The following ABTB3 variants were observed in gnomAD, a reference collection of about 807,000 sequenced individuals.
ABTB3 encodes ankyrin repeat- and BTB/POZ domain-containing protein 3.
At chr12:107,389,428 G>C in the ABTB3 span, among the ~76,000 whole-genome samples, 1 of 152,084 alleles carries the variant, frequency 6.6e-6, no homozygotes, top group Non-Finnish European at 1.5e-5. Flanking sequence ...ATAAATGATA[G>C]AGCTTATAAA....
the ABTB3 span, among the ~76,000 whole-genome samples, chr12:107,356,436 G>A: frequency 3.9e-5 from 6 of 152,186 alleles, no homozygotes; most frequent in African/African-American, 1.2e-4. Context: ...GCCCAGCACC[G>A]CAGGAGCAGA....
the ABTB3 span, among the ~76,000 whole-genome samples, chr12:107,469,226 T>C: frequency 0.31 from 46,777 of 151,982 alleles, 7,677 homozygotes; most frequent in African/African-American, 0.43. Context: ...AGAAGCAGAA[T>C]GTGTGTTTCC....
At chr12:107,320,382 A>T in the ABTB3 span, among the ~76,000 whole-genome samples, 1 of 152,216 alleles carries the variant, frequency 6.6e-6, no homozygotes, top group Non-Finnish European at 1.5e-5. Context: ...TTTTTGGAGC[A>T]GGGTTGAGAT....
chr12:107,336,723 A>T, the ABTB3 span, among the ~76,000 whole-genome samples: 1 of 152,074 alleles, frequency 6.6e-6, no homozygotes, highest in African/African-American at 2.4e-5. Flanking sequence ...GGCACATAGT[A>T]GGCACTTCAA....
the ABTB3 span, among the ~76,000 whole-genome samples, chr12:107,447,014 G>A: frequency 1.3e-5 from 2 of 152,182 alleles, no homozygotes; most frequent in Non-Finnish European, 2.9e-5. Flanking sequence ...GGATCTCATA[G>A]CCCCTCTCAA....
chr12:107,374,814 G>A, the ABTB3 span: 142 of 156,256 alleles, frequency 9.1e-4, 1 homozygote, highest in South Asian at 6.3e-3. Context: ...AATGCCAACG[G>A]CTCTGATGGA....
At chr12:107,522,014 T>C in the ABTB3 span, among the ~76,000 whole-genome samples, 1 of 151,700 alleles carries the variant, frequency 6.6e-6, no homozygotes, top group Non-Finnish European at 1.5e-5. Flanking sequence ...GGCTGGGAAG[T>C]CCAAGATCAA....
chr12:107,432,294 G>T, the ABTB3 span, among the ~76,000 whole-genome samples: 1 of 152,322 alleles, frequency 6.6e-6, no homozygotes, highest in African/African-American at 2.4e-5. Flanking sequence ...TGGGAGAGAA[G>T]GAAAGAGGGA....
chr12:107,338,937 T>A, the ABTB3 span, among the ~76,000 whole-genome samples: 1 of 152,192 alleles, frequency 6.6e-6, no homozygotes, highest in Admixed American at 6.5e-5. Flanking sequence ...AGCCATCCTC[T>A]TGCCTCAGCC....
the ABTB3 span, among the ~76,000 whole-genome samples, chr12:107,536,510 C>T: frequency 1.1e-3 from 162 of 151,764 alleles, no homozygotes; most frequent in African/African-American, 3.6e-3. Context: ...GACTAATGTC[C>T]GTAATAGACA....
chr12:107,475,882 G>A, the ABTB3 span, among the ~76,000 whole-genome samples: 1 of 151,984 alleles, frequency 6.6e-6, no homozygotes, highest in Non-Finnish European at 1.5e-5. Flanking sequence ...ACAGCTGAAG[G>A]TTGAACAGCG....
chr12:107,587,940 A>G, the ABTB3 span, among the ~76,000 whole-genome samples: 1 of 152,292 alleles, frequency 6.6e-6, no homozygotes, highest in East Asian at 1.9e-4. Flanking sequence ...TCACCTTTCT[A>G]GAGGCTAAAA....
chr12:107,378,448 G>A, the ABTB3 span, among the ~76,000 whole-genome samples: 1 of 152,150 alleles, frequency 6.6e-6, no homozygotes, highest in East Asian at 1.9e-4. Flanking sequence ...AACTCTATAA[G>A]GCAGATACTG....
At chr12:107,577,006 C>T in the ABTB3 span, among the ~76,000 whole-genome samples, 3 of 152,138 alleles carry the variant, frequency 2.0e-5, no homozygotes, top group Non-Finnish European at 4.4e-5. Flanking sequence ...CCAATAGAAT[C>T]GAAGAATATT....
the ABTB3 span, among the ~76,000 whole-genome samples, chr12:107,638,985 T>C: frequency 6.6e-6 from 1 of 152,190 alleles, no homozygotes; most frequent in Non-Finnish European, 1.5e-5. Flanking sequence ...GGGGTGCATA[T>C]GCTGTGGGAA....
the ABTB3 span, among the ~76,000 whole-genome samples, chr12:107,448,823 G>A: frequency 3.1e-3 from 476 of 152,182 alleles, 3 homozygotes; most frequent in African/African-American, 0.011. Flanking sequence ...CGCCCGCCTC[G>A]TCCTCCCAAA....
the ABTB3 span, among the ~76,000 whole-genome samples, chr12:107,423,490 A>G: frequency 6.6e-6 from 1 of 152,314 alleles, no homozygotes; most frequent in East Asian, 1.9e-4. Context: ...CCATTCAGAC[A>G]GGAGAGCACA....
At chr12:107,646,990 T>TGGGAGGTTCTGATGCAGGC in the ABTB3 span, among the ~76,000 whole-genome samples, 1 of 151,208 alleles carries the variant, frequency 6.6e-6, no homozygotes, top group Non-Finnish European at 1.5e-5. Flanking sequence ...GAAGAGAGGG[T>TGGGAGGTTCTGATGCAGGC]GGGAGGTTCT....
At chr12:107,599,072 T>C in the ABTB3 span, among the ~76,000 whole-genome samples, 1 of 152,200 alleles carries the variant, frequency 6.6e-6, no homozygotes, top group Admixed American at 6.5e-5. Flanking sequence ...GTTTAGGTGT[T>C]GTTTCAAGGC....
Sources: gnomAD v4.1 joint callset for allele counts (sites outside exome capture counted in the v4.1 genomes callset) on GRCh38, gnomAD v4.1.1 for gene constraint, MANE v1.5 for transcripts, NCBI Gene and HGNC (gene_info 2026-07-23, HGNC 2026-07-21) for gene names.